The following FOXP2 variants were observed in gnomAD, a reference collection of about 807,000 sequenced individuals.
FOXP2 encodes the protein forkhead box protein P2.
A neutral mutation model predicts 115.8 loss-of-function variants in FOXP2; 12 were observed. The ratio of observed to expected loss-of-function variants is 0.10; its 90% CI spans 0.07 to 0.17. The LOEUF (loss-of-function observed/expected upper bound fraction) is 0.17. FOXP2 is among the 10% of genes least tolerant of loss of function. FOXP2 has a pLI of 1.00. For missense variants in FOXP2, 629 were observed against 843.5 expected (o/e 0.75, Z 3.15); for synonymous variants, 328 against 297.7 (o/e 1.10, Z -1.05).
chr7:114,672,939 C>T (rs904031998), intron 16 of FOXP2, among the ~76,000 whole-genome samples: 1 of 152,198 alleles, frequency 6.6e-6, no homozygotes, highest in African/African-American at 2.4e-5. Flanking sequence ...AGAGCGGCCA[C>T]AGCAGTAGGG....
chr7:114,288,585 T>A (rs1239647540), intron 2 of FOXP2, among the ~76,000 whole-genome samples: 4 of 151,748 alleles, frequency 2.6e-5, no homozygotes, highest in Non-Finnish European at 5.9e-5. Flanking sequence ...GAAAATTTGA[T>A]TTTTCTAATA....
intron 6 of FOXP2, among the ~76,000 whole-genome samples, chr7:114,639,459 C>A (rs529939750): frequency 6.6e-6 from 1 of 150,962 alleles, no homozygotes; most frequent in East Asian, 2.0e-4. Flanking sequence ...TAGAAGGAGA[C>A]TGGTGATAAC....
intron 1 of FOXP2, among the ~76,000 whole-genome samples, chr7:114,185,506 G>A (rs1190162978): frequency 4.6e-5 from 7 of 152,140 alleles, no homozygotes; most frequent in Non-Finnish European, 1.0e-4. Flanking sequence ...CTAGTGCCTG[G>A]AACATAGTAA....
chr7:114,131,256 AGTATGGAAG>A (rs1405587319), intron 1 of FOXP2, among the ~76,000 whole-genome samples: 2 of 152,208 alleles, frequency 1.3e-5, no homozygotes, highest in Non-Finnish European at 2.9e-5. Flanking sequence ...TATCTCCATC[AGTATGGAAG>A]AGTCCATTTG....
In FOXP2 at chr7:114,693,024, C is replaced by A. The variant is rs771441694; in HGVS notation, c.*3098C>A. ...GAAAGAAAACTGTCTACCTCTAACA[C>A]CAGGGAGTTATCAGATTTTATTTTA... On this transcript the variant is annotated 3_prime_UTR_variant, in exon 17 of 17. Transcript: ENST00000350908. 1 of 453,708 alleles carries A rather than the reference C, an allele frequency of 2.2e-6. No individual in the cohort carries two copies. The highest frequency in any genetic ancestry group is 2.0e-5 in the African/African-American group (1 of 49,960). 28.1% of individuals were successfully genotyped at this position (453,708 alleles called of 1,614,324 possible).
At chr7:114,259,106 C>T (rs1476172746) in intron 1 of FOXP2, among the ~76,000 whole-genome samples, 2 of 152,120 alleles carry the variant, frequency 1.3e-5, no homozygotes, top group African/African-American at 2.4e-5. Flanking sequence ...AAAGTAATAT[C>T]TGAGAGTCTT....
intron 2 of FOXP2, among the ~76,000 whole-genome samples, chr7:114,521,982 A>T (rs1427466335): frequency 6.6e-6 from 1 of 152,188 alleles, no homozygotes; most frequent in Non-Finnish European, 1.5e-5. Flanking sequence ...TATCTAAAGA[A>T]ACATACTTTT....
intron 10 of FOXP2, chr7:114,654,217 T>C: frequency 1.6e-6 from 2 of 1,242,920 alleles, no homozygotes; most frequent in South Asian, 1.5e-5. Context: ...ACACCATGGG[T>C]GACACTAAAC....
intron 1 of FOXP2, among the ~76,000 whole-genome samples, chr7:114,127,094 G>A (rs529291875): frequency 1.2e-4 from 19 of 152,200 alleles, no homozygotes; most frequent in African/African-American, 3.4e-4. Context: ...ATCTCACGTC[G>A]TTGTTGGCTG....
In FOXP2 at chr7:114,692,075, G is replaced by T. The variant is rs1212972892; in HGVS notation, c.*2149G>T. 6.6e-6 allele frequency: 3 copies of T among 453,870 alleles called. No homozygotes were observed. The highest frequency in any genetic ancestry group is 2.4e-5 in the Admixed American group (1 of 42,516). The allele number at this position is 453,870 out of a possible 1,614,324, so 28.1% of individuals were successfully genotyped here. On this transcript the variant is annotated 3_prime_UTR_variant, in exon 17 of 17. Transcript: ENST00000350908. The stretch of plus-strand genomic sequence containing the variant: ...CAACGAACCGGAAGTTTACAATATG[G>T]TATTAAAAGAAAGATGGGTATGGTG...
chr7:114,180,306 T>A (rs1486582723), intron 1 of FOXP2, among the ~76,000 whole-genome samples: 1 of 151,992 alleles, frequency 6.6e-6, no homozygotes, highest in African/African-American at 2.4e-5. Context: ...CTCTCACTTA[T>A]TCTTCCTAAG....
At chr7:114,343,319 A>G (rs1012537969) in intron 2 of FOXP2, among the ~76,000 whole-genome samples, 1 of 151,596 alleles carries the variant, frequency 6.6e-6, no homozygotes, top group Non-Finnish European at 1.5e-5. Context: ...AAACAATTAA[A>G]AATAAAATTA....
intron 2 of FOXP2, among the ~76,000 whole-genome samples, chr7:114,389,758 T>A (rs1792541237): frequency 6.6e-6 from 1 of 152,122 alleles, no homozygotes; most frequent in African/African-American, 2.4e-5. Flanking sequence ...GCGCAGTGGC[T>A]CATGCCTGTA....
intron 1 of FOXP2, among the ~76,000 whole-genome samples, chr7:114,144,140 C>T (rs2129147571): frequency 6.6e-6 from 1 of 152,220 alleles, no homozygotes; most frequent in Non-Finnish European, 1.5e-5. Context: ...GTAGGCTAGG[C>T]TAAGCTATGA....
chr7:114,099,431 GAT>G (rs1799727003), intron 1 of FOXP2, among the ~76,000 whole-genome samples: 3 of 152,108 alleles, frequency 2.0e-5, no homozygotes, highest in Admixed American at 1.3e-4. Context: ...TGTGAATGTA[GAT>G]TGGTATGCCC....
intron 2 of FOXP2, among the ~76,000 whole-genome samples, chr7:114,379,037 T>C (rs1341202176): frequency 3.3e-5 from 5 of 152,148 alleles, no homozygotes. Context: ...GACTCTCTTC[T>C]ATGTCTCCCT....
intron 2 of FOXP2, among the ~76,000 whole-genome samples, chr7:114,467,281 T>C (rs929904728): frequency 6.6e-6 from 1 of 152,184 alleles, no homozygotes; most frequent in Admixed American, 6.5e-5. Flanking sequence ...ACAAATGTGA[T>C]ACTCATTTTA....
At chr7:114,331,250 A>G (rs1797704902) in intron 2 of FOXP2, among the ~76,000 whole-genome samples, 3 of 152,190 alleles carry the variant, frequency 2.0e-5, no homozygotes, top group Non-Finnish European at 2.9e-5. Context: ...AATACAAAAT[A>G]TACTACCTGA....
At chr7:114,246,733 C>G (rs1795294647) in intron 1 of FOXP2, among the ~76,000 whole-genome samples, 1 of 152,112 alleles carries the variant, frequency 6.6e-6, no homozygotes, top group African/African-American at 2.4e-5. Context: ...AAATCCTCGT[C>G]TTACTCCTAA....
Sources: gnomAD v4.1 joint callset for allele counts (sites outside exome capture counted in the v4.1 genomes callset) on GRCh38, gnomAD v4.1.1 for gene constraint, MANE v1.5 for transcripts, NCBI Gene and HGNC (gene_info 2026-07-23, HGNC 2026-07-21) for gene names.